PBX1: variants seen among roughly 807,000 people sequenced by gnomAD.
The protein encoded by PBX1 is PBX homeobox 1.
PBX1 carries 6 observed loss-of-function variants against 53.4 expected under a neutral mutation model. The observed-to-expected ratio is 0.11, with a 90% CI of 0.06 to 0.22. The LOEUF is 0.22. PBX1 is among the 10% of genes least tolerant of loss of function. The pLI, the probability that PBX1 is intolerant of heterozygous loss-of-function variation, is 1.00. For missense variants in PBX1, 251 were observed against 551.4 expected (o/e 0.46, Z 5.46); for synonymous variants, 204 against 212.3 (o/e 0.96, Z 0.34).
chr1:164,725,914 T>C (rs1019363495), intron 2 of PBX1, among the ~76,000 whole-genome samples: 4 of 152,156 alleles, frequency 2.6e-5, no homozygotes, highest in African/African-American at 9.7e-5. Context: ...TTTCAGTTGG[T>C]ACATGGAGTC....
chr1:164,647,464 T>C (rs1313380384), intron 2 of PBX1, among the ~76,000 whole-genome samples: 1 of 152,154 alleles, frequency 6.6e-6, no homozygotes, highest in African/African-American at 2.4e-5. Context: ...CACTTCCTTC[T>C]GTCAGCCTCC....
chr1:164,799,318 G>A (rs1049504879), intron 3 of PBX1, among the ~76,000 whole-genome samples: 24 of 151,912 alleles, frequency 1.6e-4, no homozygotes, highest in African/African-American at 5.3e-4. Context: ...GTGAAACCCC[G>A]TCTCTACTAA....
intron 2 of PBX1, among the ~76,000 whole-genome samples, chr1:164,673,439 A>AT (rs112069334): frequency 0.16 from 20,163 of 129,582 alleles, 2,237 homozygotes; most frequent in African/African-American, 0.34. Context: ...CCTCTCTGGC[A>AT]TTTTTTTCTT....
intron 2 of PBX1, chr1:164,625,954 C>A (rs1196554688): frequency 9.6e-7 from 1 of 1,037,396 alleles, no homozygotes; most frequent in Admixed American, 5.7e-5. Flanking sequence ...GGAGTCGGAA[C>A]TGCCCCTCAT....
intron 4 of PBX1, among the ~76,000 whole-genome samples, chr1:164,805,057 A>C (rs948515139): frequency 6.6e-6 from 1 of 152,194 alleles, no homozygotes; most frequent in Non-Finnish European, 1.5e-5. Flanking sequence ...TACACATCTC[A>C]CTATCATGAG....
At chr1:164,618,506 G>A (rs1049727126) in intron 2 of PBX1, among the ~76,000 whole-genome samples, 15 of 152,208 alleles carry the variant, frequency 9.9e-5, no homozygotes, top group Non-Finnish European at 2.1e-4. Flanking sequence ...AAATGAAAGA[G>A]TGGAAGATAA....
intron 8 of PBX1, among the ~76,000 whole-genome samples, chr1:164,837,799 G>A (rs756087104): frequency 1.1e-4 from 16 of 152,144 alleles, no homozygotes; most frequent in African/African-American, 1.7e-4. Context: ...ACATGAACAC[G>A]TTATGTGTAA....
chr1:164,592,269 C>T (rs574107867), intron 2 of PBX1, among the ~76,000 whole-genome samples: 1 of 152,202 alleles, frequency 6.6e-6, no homozygotes, highest in East Asian at 1.9e-4. Flanking sequence ...GAGGTTCATC[C>T]CAGTATATGT....
intron 2 of PBX1, among the ~76,000 whole-genome samples, chr1:164,597,478 G>T (rs550356523): frequency 1.3e-5 from 2 of 152,140 alleles, no homozygotes; most frequent in African/African-American, 4.8e-5. Context: ...CTATTTGGGG[G>T]TGCAGAGATA....
chr1:164,669,922 T>A (rs1409714028), intron 2 of PBX1, among the ~76,000 whole-genome samples: 1 of 152,220 alleles, frequency 6.6e-6, no homozygotes. Context: ...TGCTATATTG[T>A]CTTGATGAAT....
intron 2 of PBX1, among the ~76,000 whole-genome samples, chr1:164,694,010 G>A (rs1662654156): frequency 6.6e-6 from 1 of 151,976 alleles, no homozygotes; most frequent in African/African-American, 2.4e-5. Flanking sequence ...GAAACCTTTA[G>A]GATTATCTCA....
intron 2 of PBX1, among the ~76,000 whole-genome samples, chr1:164,713,384 A>G (rs1466349046): frequency 6.6e-6 from 1 of 152,242 alleles, no homozygotes; most frequent in African/African-American, 2.4e-5. Flanking sequence ...TAAGTTTCCA[A>G]TGGTGATAGA....
rs71583414 is a variant in PBX1 at position 164,603,929 on chromosome 1, A to ATTTTTTTTTT, written c.265+40642_265+40651dup. ...GACACTCTGTACATTATGTCATTTC[A>ATTTTTTTTTT]TTTTTTTTTTTTTTTTTTTTTTTTT... On this transcript the variant is annotated intron_variant, in intron 2 of 8. Coordinates refer to ENST00000420696, the MANE Select transcript of PBX1 (RefSeq NM_002585.4). Among the ~76,000 whole-genome samples the ATTTTTTTTTT allele has an allele frequency of 9.9e-3, 749 of 75,666 alleles. 168 individuals are homozygous for ATTTTTTTTTT. Among genetic ancestry groups the ATTTTTTTTTT allele is most frequent in the Middle Eastern group, 0.02 (2 of 98 alleles). 49.6% of individuals were successfully genotyped at this position (75,666 alleles called of 152,430 possible).
chr1:164,774,454 C>T (rs1231046999), intron 2 of PBX1: 4 of 152,086 alleles, frequency 2.6e-5, no homozygotes, highest in Non-Finnish European at 5.9e-5. Flanking sequence ...GGTTCAAATT[C>T]CTTTGTGATG....
intron 2 of PBX1, among the ~76,000 whole-genome samples, chr1:164,765,777 C>T (rs1307110865): frequency 1.3e-5 from 2 of 152,126 alleles, no homozygotes; most frequent in Admixed American, 1.3e-4. Flanking sequence ...ATAAAACCAT[C>T]CAGTTTCCAG....
chr1:164,613,533 CT>C (rs1475257990), intron 2 of PBX1, among the ~76,000 whole-genome samples: 1 of 152,156 alleles, frequency 6.6e-6, no homozygotes, highest in East Asian at 1.9e-4. Context: ...GTGAGCCCCC[CT>C]AGCATTGTGT....
chr1:164,585,920 TATA>T (rs781358775), intron 2 of PBX1, among the ~76,000 whole-genome samples: 14 of 152,370 alleles, frequency 9.2e-5, no homozygotes, highest in Non-Finnish European at 1.8e-4. Context: ...ACCTCTTCTG[TATA>T]ACATCCTTTG....
At chr1:164,687,743 G>A (rs187945180) in intron 2 of PBX1, among the ~76,000 whole-genome samples, 358 of 152,230 alleles carry the variant, frequency 2.4e-3, no homozygotes, top group Middle Eastern at 6.8e-3. Flanking sequence ...GCAATATGAG[G>A]TGGACCAGCC....
At chr1:164,882,092 A>G (rs749295861) in intron 2 of PBX1, among the ~76,000 whole-genome samples, 2 of 151,528 alleles carry the variant, frequency 1.3e-5, no homozygotes, top group Non-Finnish European at 2.9e-5. Flanking sequence ...AATCCAAATG[A>G]TTTAAACAAT....
Sources: gnomAD v4.1 joint callset for allele counts (sites outside exome capture counted in the v4.1 genomes callset) on GRCh38, gnomAD v4.1.1 for gene constraint, MANE v1.5 for transcripts, NCBI Gene and HGNC (gene_info 2026-07-23, HGNC 2026-07-21) for gene names.